The following HID1 variants were observed in gnomAD, a reference collection of about 807,000 sequenced individuals.
The protein encoded by HID1 is protein HID1.
Under a neutral mutation model 89.7 loss-of-function variants are expected in HID1, and 42 were observed. The observed-to-expected ratio is 0.47, with a 90% CI of 0.37 to 0.61. The LOEUF is 0.61. Among genes scored for constraint, HID1 ranks in the 20% least tolerant of loss-of-function variants. HID1 has a pLI of 0.00. For missense variants in HID1, 854 were observed against 1,039.3 expected, an observed-to-expected ratio of 0.82 and a Z score of 2.45; for synonymous variants, 442 against 433.8, an observed-to-expected ratio of 1.02 and a Z score of -0.24.
rs560927884 is a variant in HID1, at chr17:74,969,061, G to C, written c.66+3530C>G. Among the ~76,000 whole-genome samples, 25 of 152,336 alleles carry C rather than the reference G, an allele frequency of 1.6e-4. No individual in the cohort carries two copies. In the South Asian group the frequency reaches 4.8e-3, roughly 29 times the overall value. ...TTTGGTGACCACCTGCCCAGGCCAA[G>C]CTGATGCTACAGGCATTAGTCAGGG... On this transcript the variant is annotated intron_variant, in intron 1 of 18. Transcript: ENST00000425042.
chr17:74,953,173 C>T, intron 15 of HID1, 87 bp from the exon 16 acceptor site: 2 of 1,138,126 alleles, frequency 1.8e-6, no homozygotes, highest in East Asian at 2.6e-5. Flanking sequence ...CCACTGGCAG[C>T]TGGAAATCCC....
At chr17:74,963,717 C>A in intron 3 of HID1, 23 bp downstream of exon 3, 1 of 1,579,762 alleles carries the variant, frequency 6.3e-7, no homozygotes, top group Non-Finnish European at 8.6e-7. Context: ...GCCTCCCACC[C>A]AGCCCTGGCC....
chr17:74,951,944 A>G lies in HID1; in HGVS notation c.2264T>C (p.Met755Thr). The G allele has an allele frequency of 1.3e-6, 2 of 1,558,842 alleles. No individual in the cohort carries two copies. The highest frequency in any genetic ancestry group is 1.7e-6 in the Non-Finnish European group (2 of 1,152,130). Reference sequence around the variant, plus strand: ...GCCCCACATGTAGGTGCGGAACCACATGGCAGTGCCCGAGTTGGCCTGGTA... The same window carrying G: ...GCCCCACATGTAGGTGCGGAACCACGTGGCAGTGCCCGAGTTGGCCTGGTA... ...RKYQANSGTA[M>T]WFRTYMWGVI... is the part of the protein sequence containing the mutation. The change falls in exon 18 of 19, where the codon ATG (methionine) becomes ACG (threonine). Residue 755 changes from methionine to threonine, a missense_variant. Met to Thr is a moderately conservative substitution (Grantham distance 81). Coordinates refer to ENST00000425042, the MANE Select transcript of HID1 (RefSeq NM_030630.3).
intron 6 of HID1, 42 bp from the exon 7 acceptor site, chr17:74,960,290 G>A: frequency 6.4e-7 from 1 of 1,550,846 alleles, no homozygotes; most frequent in Non-Finnish European, 8.7e-7. Context: ...CTGCACTGGG[G>A]CCCAGCCCCC....
intron 6 of HID1, among the ~76,000 whole-genome samples, chr17:74,961,417 G>T (rs1005508231): frequency 4.6e-5 from 7 of 151,864 alleles, no homozygotes; most frequent in African/African-American, 1.7e-4. Context: ...ACAGGCACCC[G>T]CCACCAAGCC....
intron 1 of HID1, among the ~76,000 whole-genome samples, chr17:74,968,207 A>AC (rs2039591324): frequency 8.3e-6 from 1 of 120,028 alleles, no homozygotes; most frequent in South Asian, 2.8e-4. Context: ...CTCCGGCCCC[A>AC]CCCCACCCCC....
At position 74,972,206 on chromosome 17, in the gene HID1, G is replaced by C. The variant is rs982259015; in HGVS notation, c.66+385C>G. ...GCGTCCGGGACCCGCGGGCAATGAG[G>C]GGCAGGGAGGGGAGCGGACGGTGGA... On this transcript the variant is annotated intron_variant, in intron 1 of 18. Coordinates refer to ENST00000425042, the MANE Select transcript of HID1 (RefSeq NM_030630.3). The surrounding 1 kb of genome is among the most constrained non-coding windows in gnomAD (Gnocchi z 6.4). Among the ~76,000 whole-genome samples, 3 of 151,928 alleles carry C rather than the reference G, an allele frequency of 2.0e-5. No homozygotes were observed. The East Asian group carries it at 5.8e-4, about 29-fold the overall frequency.
Position 74,963,724 on chromosome 17 carries a change from G to A in HID1, c.387+16C>T. On this transcript the variant is annotated intron_variant, in intron 3 of 18. Transcript: ENST00000425042. ...CCAACTCTGCCTCCCACCCAGCCCTGGCCAGGCCCACAGACCCCTCCTCGC... is the reference window on the plus strand; with the variant it reads ...CCAACTCTGCCTCCCACCCAGCCCTAGCCAGGCCCACAGACCCCTCCTCGC... The A allele has an allele frequency of 6.3e-7, 1 of 1,590,098 alleles. No homozygotes were observed. Among genetic ancestry groups the A allele is most frequent in the Admixed American group, 1.8e-5 (1 of 55,832 alleles).
rs2039294860 is a variant in HID1, at chr17:74,951,343, T to C, written c.*227A>G. 3.4e-6 allele frequency: 2 copies of C among 586,710 alleles called. No individual in the cohort carries two copies. The highest frequency in any genetic ancestry group is 3.0e-5 in the Admixed American group (1 of 32,840). 36.3% of individuals were successfully genotyped at this position (586,710 alleles called of 1,614,324 possible). A position where few individuals can be genotyped will look rare whatever the true frequency, so the allele number is the denominator to read the frequency against. On this transcript the variant is annotated 3_prime_UTR_variant, in exon 19 of 19. Coordinates refer to ENST00000425042, the MANE Select transcript of HID1 (RefSeq NM_030630.3). Reference sequence around the variant, plus strand: ...GGGGCAGTGGTCTCTGGTGGGGGCATAGCCCCAGAGATGGGGCTCCTGTGA... The same window carrying C: ...GGGGCAGTGGTCTCTGGTGGGGGCACAGCCCCAGAGATGGGGCTCCTGTGA...
At chr17:74,964,725 A>G in intron 1 of HID1, 93 bp from the exon 2 acceptor site, 1 of 1,336,666 alleles carries the variant, frequency 7.5e-7, no homozygotes, top group South Asian at 1.4e-5. Context: ...CCTGAGAGGG[A>G]AGCCAGAGTC....
rs1174704754 is a variant in HID1 at position 74,972,572 on chromosome 17, C to CG, written c.66+18dup. On this transcript the variant is annotated intron_variant, in intron 1 of 18. Transcript: ENST00000425042. This position sits in a 1 kb window ranked among gnomAD's most constrained non-coding sequence, Gnocchi z 6.4. ...CAGCCCGGCAGGTGGATGGGGACGC[C>CG]GGGGCCCCCGTGGCGCACCTGCGTC... 1 of 1,539,324 alleles carries CG rather than the reference C, an allele frequency of 6.5e-7. No homozygotes were observed. The highest frequency in any genetic ancestry group is 8.8e-7 in the Non-Finnish European group (1 of 1,140,814).
rs573714385 is a variant in HID1, at chr17:74,962,658, G to A, written c.504+307C>T. On this transcript the variant is annotated intron_variant, in intron 4 of 18. Transcript: ENST00000425042. This position sits in a 1 kb window ranked among gnomAD's most constrained non-coding sequence, Gnocchi z 4.3. ...TGGGGGTGGGCAGAGAAGACTCAAG[G>A]TGAAGTCCATGCCACCACAGGAAGC... Among the ~76,000 whole-genome samples the A allele has an allele frequency of 3.3e-5, 5 of 152,070 alleles. No homozygotes were observed. The highest frequency in any genetic ancestry group is 7.4e-5 in the Non-Finnish European group (5 of 67,974).
chr17:74,957,861 C>T, intron 12 of HID1: 1 of 412,936 alleles, frequency 2.4e-6, no homozygotes, highest in Non-Finnish European at 4.5e-6. Context: ...GATGGTGCCA[C>T]TGCACTCCAG....
In HID1 at chr17:74,953,058, C is replaced by T. The variant is rs1190473173; in HGVS notation, c.2000G>A (p.Arg667Gln). 3 of 1,608,364 alleles carry T rather than the reference C, an allele frequency of 1.9e-6. No individual in the cohort carries two copies. The highest frequency in any genetic ancestry group is 2.5e-6 in the Non-Finnish European group (3 of 1,178,344). The change falls in exon 16 of 19, where the codon CGG (arginine) becomes CAG (glutamine). Residue 667 changes from arginine to glutamine, a missense_variant. Transcript: ENST00000425042. The stretch of plus-strand genomic sequence containing the variant: ...ACTGGCTGATGAGGTGGACGGTCGC[C>T]GCTGCTCCCTCCATGCCTGGCTGGG... ...GEPSQAWREQ[R>Q]RPSTSSASGQ...
chr17:74,957,077 A>G (rs1217850775), intron 12 of HID1, among the ~76,000 whole-genome samples: 3 of 152,206 alleles, frequency 2.0e-5, no homozygotes, highest in Admixed American at 2.0e-4. Context: ...ACGCCTGTAT[A>G]ATCCCAGCAC....
chr17:74,958,319 C>T lies in HID1; in HGVS notation c.1392+8G>A, dbSNP rs751627361. The T allele has an allele frequency of 1.2e-6, 2 of 1,612,874 alleles. No homozygotes were observed. Among genetic ancestry groups the T allele is most frequent in the South Asian group, 1.1e-5 (1 of 90,822 alleles). On this transcript the variant is annotated splice_region_variant and intron_variant, in intron 11 of 18. Transcript: ENST00000425042. This position sits in a 1 kb window ranked among gnomAD's most constrained non-coding sequence, Gnocchi z 5.2. ...ACCTCCTGGGCCCGGCCGCACGAGCCCCCTCACCACAATGAGCAGGTCGGC... is the reference window on the plus strand; with the variant it reads ...ACCTCCTGGGCCCGGCCGCACGAGCTCCCTCACCACAATGAGCAGGTCGGC...
chr17:74,958,817 GCCCCACCC>G lies in HID1; in HGVS notation c.1150-62_1150-55del. 1 of 1,597,676 alleles carries G rather than the reference GCCCCACCC, an allele frequency of 6.3e-7. No homozygotes were observed. Among genetic ancestry groups the G allele is most frequent in the Non-Finnish European group, 8.5e-7 (1 of 1,169,746 alleles). On this transcript the variant is annotated intron_variant, in intron 9 of 18. Coordinates refer to ENST00000425042, the MANE Select transcript of HID1 (RefSeq NM_030630.3). The surrounding 1 kb of genome is among the most constrained non-coding windows in gnomAD (Gnocchi z 5.2). The stretch of plus-strand genomic sequence containing the variant: ...CTGAGTTCAAGGGAGGGGCAGCTCT[GCCCCACCC>G]CCCTCAGTCTGACACTGTCCCTGCC...
rs911080226 is a variant in HID1, at chr17:74,964,507, G to A, written c.192C>T (p.Ser64=). The A allele has an allele frequency of 1.1e-5, 18 of 1,610,224 alleles. No homozygotes were observed. The Middle Eastern group carries it at 8.2e-4, about 74-fold the overall frequency. The part of the protein sequence containing the change: ...EIRAVREESP[S]NLATLCYKAV... ...CCTTGTAGCACAGGGTGGCCAAGTT[G>A]GAGGGTGACTCTTCCCGCACGGCCC... is the stretch of plus-strand genomic sequence containing the variant. The change falls in exon 2 of 19, where the codon TCC becomes TCT. Residue 64 remains serine (S), a synonymous_variant. Coordinates refer to ENST00000425042, the MANE Select transcript of HID1 (RefSeq NM_030630.3).
rs942464237 is a variant in HID1 at position 74,972,263 on chromosome 17, T to C, written c.66+328A>G. On this transcript the variant is annotated intron_variant, in intron 1 of 18. Coordinates refer to ENST00000425042, the MANE Select transcript of HID1 (RefSeq NM_030630.3). The surrounding 1 kb of genome is among the most constrained non-coding windows in gnomAD (Gnocchi z 6.4). ...GGTGGGGGCGGCGGGAGGCTGGAGATGCGAAGCTGGGGACGCCGCGGGGCG... is the reference window on the plus strand; with the variant it reads ...GGTGGGGGCGGCGGGAGGCTGGAGACGCGAAGCTGGGGACGCCGCGGGGCG... 1.2e-5 allele frequency among the ~76,000 whole-genome samples: 1 copy of C among 85,572 alleles called. No individual in the cohort carries two copies. Among genetic ancestry groups the C allele is most frequent in the Non-Finnish European group, 2.3e-5 (1 of 42,962 alleles). The allele number at this position is 85,572 out of a possible 152,430, so 56.1% of individuals were successfully genotyped here. A position where few individuals can be genotyped will look rare whatever the true frequency, so the allele number is the denominator to read the frequency against.
Sources: gnomAD v4.1 joint callset for allele counts (sites outside exome capture counted in the v4.1 genomes callset) on GRCh38, gnomAD v4.1.1 for gene constraint, Gnocchi (gnomAD v3.1) non-coding constraint, MANE v1.5 for transcripts, NCBI Gene and HGNC (gene_info 2026-07-23, HGNC 2026-07-21) for gene names.